Variants in RADIL observed in about 807,000 individuals in gnomAD.
RADIL encodes the protein ras-associating and dilute domain-containing protein.
In RADIL, 99 loss-of-function variants were observed where a neutral mutation model predicts 97.6. The observed-to-expected ratio is 1.01, with a 90% CI of 0.86 to 1.20. The LOEUF is 1.20. RADIL is among the 50% of genes most tolerant of loss of function. The pLI is 0.00. For missense variants in RADIL, 1,765 were observed against 1,498.9 expected, an observed-to-expected ratio of 1.18 and a Z score of -2.93; for synonymous variants, 803 against 691.8, an observed-to-expected ratio of 1.16 and a Z score of -2.52.
rs772459712 is a variant in RADIL at position 4,861,744 on chromosome 7, C to G, written c.535+15861G>C. On this transcript the variant is annotated intron_variant, in intron 2 of 14. Transcript: ENST00000399583. ...ACCGCTAGACTGATAGGCGAGGAGA[C>G]GCCGTAGCGATTCGGCGGCGGCGCC... 5 of 1,506,652 alleles carry G rather than the reference C, an allele frequency of 3.3e-6. 1 individual carries two copies. In the South Asian group the frequency reaches 6.8e-5, roughly 21 times the overall value. 93.3% of individuals were successfully genotyped at this position (1,506,652 alleles called of 1,614,324 possible).
chr7:4,847,938 G>A (rs752357311), intron 2 of RADIL, among the ~76,000 whole-genome samples: 10 of 152,166 alleles, frequency 6.6e-5, no homozygotes, highest in Non-Finnish European at 1.2e-4. Context: ...GCTCTCGCCT[G>A]TAATCCCAGC....
Position 4,819,544 on chromosome 7 carries a change from C to T in RADIL, c.1616-2193G>A, listed in dbSNP as rs116477590. On this transcript the variant is annotated intron_variant, in intron 6 of 14. Coordinates refer to ENST00000399583, the MANE Select transcript of RADIL (RefSeq NM_018059.5). This position sits in a 1 kb window ranked among gnomAD's most constrained non-coding sequence, Gnocchi z 5.8. ...CTGGCCCTATCCCTAAAGAAGAAGG[C>T]GCTGAGCTCCAGCCACGAGGAGAAT... 0.016 allele frequency among the ~76,000 whole-genome samples: 2,385 copies of T among 152,192 alleles called. 46 individuals are homozygous for T. The highest frequency in any genetic ancestry group is 0.053 in the African/African-American group (2,181 of 41,510).
intron 2 of RADIL, among the ~76,000 whole-genome samples, chr7:4,841,509 G>A (rs10232563): frequency 0.55 from 83,773 of 152,086 alleles, 25,182 homozygotes; most frequent in African/African-American, 0.81. Context: ...GTTGATTTCA[G>A]TCCTTCTCAG....
chr7:4,799,976 C>A (rs1371511166), intron 13 of RADIL, among the ~76,000 whole-genome samples, 195 bp downstream of exon 13: 1 of 152,114 alleles, frequency 6.6e-6, no homozygotes, highest in African/African-American at 2.4e-5. Flanking sequence ...AGGACAGAGG[C>A]AAGAGACAGC....
chr7:4,850,216 T>TA (rs34276261), intron 2 of RADIL, among the ~76,000 whole-genome samples: 3,923 of 88,000 alleles, frequency 0.045, 102 homozygotes, highest in Non-Finnish European at 0.054. Flanking sequence ...ACGATCCCTT[T>TA]AAAAAAAAAA....
rs1784457631 is a variant in RADIL, at chr7:4,880,265, G to A, written c.-64-2062C>T. ...TTCCTCTGAGGAAGGTGCAACGAGTGGCCTTGTCAAATCCTAAGAAGCTCA... is the reference window on the plus strand; with the variant it reads ...TTCCTCTGAGGAAGGTGCAACGAGTAGCCTTGTCAAATCCTAAGAAGCTCA... On this transcript the variant is annotated intron_variant, in intron 1 of 14. Transcript: ENST00000399583. The surrounding 1 kb of genome is among the most constrained non-coding windows in gnomAD (Gnocchi z 4.5). Among the ~76,000 whole-genome samples the A allele has an allele frequency of 6.6e-6, 1 of 152,168 alleles. No homozygotes were observed. Among genetic ancestry groups the A allele is most frequent in the Admixed American group, 6.5e-5 (1 of 15,274 alleles).
At position 4,813,150 on chromosome 7, in the gene RADIL, G is replaced by A. The variant is rs2115183536; in HGVS notation, c.2139+2128C>T. On this transcript the variant is annotated intron_variant, in intron 9 of 14. Transcript: ENST00000399583. This position sits in a 1 kb window ranked among gnomAD's most constrained non-coding sequence, Gnocchi z 5.0. ...TCTTTCATAGTTGAGGTCTTCCTCT[G>A]TTGCCCAGGCTGGAGTGCAGTGGTG... Among the ~76,000 whole-genome samples the A allele has an allele frequency of 6.7e-6, 1 of 150,268 alleles. No individual in the cohort carries two copies. The highest frequency in any genetic ancestry group is 2.1e-4 in the South Asian group (1 of 4,752).
chr7:4,802,322 T>C (rs544677317), intron 11 of RADIL, among the ~76,000 whole-genome samples: 2,592 of 131,044 alleles, frequency 0.02, 28 homozygotes, highest in Middle Eastern at 0.039. Context: ...CCTCGGGGCA[T>C]GCTGGCTGGG....
chr7:4,858,434 G>C (rs1783888891), intron 2 of RADIL: 1 of 152,446 alleles, frequency 6.6e-6, no homozygotes, highest in South Asian at 2.1e-4. Context: ...TTAACTTAAA[G>C]TATTGCTGAT....
rs1375021422 is a variant in RADIL at position 4,801,805 on chromosome 7, G to A, written c.2690C>T (p.Thr897Met). 19 of 1,608,868 alleles carry A rather than the reference G, an allele frequency of 1.2e-5. No individual in the cohort carries two copies. The highest frequency in any genetic ancestry group is 1.7e-4 in the Middle Eastern group (1 of 6,036). The stretch of plus-strand genomic sequence containing the variant: ...AGGCGTGAGCAAGCAGGACGAGTCC[G>A]TGTGCGGGGGGCCAGCCTGGGAGCC... ...RGGSQAGPPH[T>M]DSSCLLTPPS... Residue 897 changes from threonine to methionine, a missense_variant, in exon 12 of 15, where the codon ACG (threonine) becomes ATG (methionine). Coordinates refer to ENST00000399583, the MANE Select transcript of RADIL (RefSeq NM_018059.5).
intron 2 of RADIL, chr7:4,860,354 G>C: frequency 2.5e-6 from 4 of 1,613,944 alleles, no homozygotes. Flanking sequence ...TAAATGCATT[G>C]CAGTAATTTT....
rs766778339 is a variant in RADIL at position 4,800,271 on chromosome 7, G to A, written c.2882C>T (p.Pro961Leu). 3.0e-5 allele frequency: 46 copies of A among 1,526,812 alleles called. No homozygotes were observed. The highest frequency in any genetic ancestry group is 3.5e-4 in the Middle Eastern group (2 of 5,700). The allele number at this position is 1,526,812 out of a possible 1,614,324, so 94.6% of individuals were successfully genotyped here. Residue 961 changes from proline to leucine, a missense_variant, in exon 13 of 15, where the codon CCG (proline) becomes CTG (leucine). Pro to Leu is a moderately conservative substitution (Grantham distance 98). Coordinates refer to ENST00000399583, the MANE Select transcript of RADIL (RefSeq NM_018059.5). ...AALAEESPPAPSSRSSSTEDF... is the reference protein window; with the variant it reads ...AALAEESPPALSSRSSSTEDF... ...CTCGGTGCTGGAGCTGCGGCTGGAC[G>A]GGGCTGGAGGGGACTCCTCCGCAAG...
intron 11 of RADIL, among the ~76,000 whole-genome samples, chr7:4,802,746 T>C (rs552039652): frequency 2.7e-5 from 2 of 74,220 alleles, no homozygotes; most frequent in Non-Finnish European, 2.6e-5. Flanking sequence ...CTGGGCCCCC[T>C]CCCCGGGCAC....
chr7:4,864,502 C>T (rs2115038088), intron 2 of RADIL, among the ~76,000 whole-genome samples: 1 of 152,332 alleles, frequency 6.6e-6, no homozygotes, highest in Admixed American at 6.5e-5. Context: ...ATCTGACTGC[C>T]TGTGGTTGCC....
At chr7:4,823,573 G>C (rs907842052) in intron 5 of RADIL, among the ~76,000 whole-genome samples, 2 of 152,154 alleles carry the variant, frequency 1.3e-5, no homozygotes, top group Admixed American at 6.5e-5. Flanking sequence ...TTGGGGGGGC[G>C]CCCTTCCCTC....
intron 10 of RADIL, chr7:4,803,995 G>A: frequency 6.8e-6 from 4 of 588,976 alleles, no homozygotes; most frequent in Non-Finnish European, 1.3e-5. Context: ...TGAGAACAAG[G>A]CCTTGTAGCC....
chr7:4,873,365 CAG>C lies in RADIL; in HGVS notation c.535+4238_535+4239del, dbSNP rs998026828. ...TGCATGCACACACATGCACACCACA[CAG>C]ACACACACACATGGTCACACGTGCA... On this transcript the variant is annotated intron_variant, in intron 2 of 14. Transcript: ENST00000399583. The surrounding 1 kb of genome is among the most constrained non-coding windows in gnomAD (Gnocchi z 4.3). Among the ~76,000 whole-genome samples, 31 of 152,194 alleles carry C rather than the reference CAG, an allele frequency of 2.0e-4. No individual in the cohort carries two copies. The highest frequency in any genetic ancestry group is 7.2e-4 in the Admixed American group (11 of 15,276).
In RADIL at chr7:4,818,672, C is replaced by T. The variant is rs1029254589; in HGVS notation, c.1616-1321G>A. On this transcript the variant is annotated intron_variant, in intron 6 of 14. Coordinates refer to ENST00000399583, the MANE Select transcript of RADIL (RefSeq NM_018059.5). The surrounding 1 kb of genome is among the most constrained non-coding windows in gnomAD (Gnocchi z 7.1). ...AGTGCCGGCAAAGGATATTCACAGC[C>T]ACGGCAGGCGGGTCAGGAGGCTGAG... 6.1e-4 allele frequency among the ~76,000 whole-genome samples: 93 copies of T among 152,314 alleles called. 1 individual carries two copies. Among genetic ancestry groups the T allele is most frequent in the African/African-American group, 2.1e-3 (89 of 41,580 alleles).
chr7:4,869,046 G>A (rs1784194308), intron 2 of RADIL, among the ~76,000 whole-genome samples: 1 of 152,226 alleles, frequency 6.6e-6, no homozygotes, highest in Admixed American at 6.5e-5. Flanking sequence ...AGAATGGGCT[G>A]AACCCGAGAA....
Sources: allele counts gnomAD v4.1 joint callset (sites outside exome capture counted in the v4.1 genomes callset), GRCh38; gene constraint gnomAD v4.1.1; non-coding constraint Gnocchi (gnomAD v3.1); transcripts MANE v1.5; gene names NCBI Gene and HGNC (gene_info 2026-07-23, HGNC 2026-07-21).